SYNE2: variants seen among roughly 807,000 people sequenced by gnomAD.
The protein encoded by SYNE2 is nesprin-2.
Under a neutral mutation model 856.3 loss-of-function variants are expected in SYNE2, and 431 were observed. The ratio of observed to expected loss-of-function variants is 0.50; its 90% CI spans 0.47 to 0.55. The LOEUF (loss-of-function observed/expected upper bound fraction) is 0.55. SYNE2 is among the 20% of genes least tolerant of loss of function. The pLI is 0.00. For synonymous variants in SYNE2, 2,923 were observed against 2,872.3 expected (o/e 1.02, Z -0.56); for missense variants, 8,129 against 8,023.2 (o/e 1.01, Z -0.50).
At chr14:64,121,088 G>A in intron 68 of SYNE2, 27 bp downstream of exon 68, 1 of 1,613,374 alleles carries the variant, frequency 6.2e-7, no homozygotes, top group Non-Finnish European at 8.5e-7. Context: ...ACAGTTGTAG[G>A]GACTAGAATA....
At chr14:64,095,737 T>G (rs2097671221) in intron 61 of SYNE2, among the ~76,000 whole-genome samples, 1 of 152,182 alleles carries the variant, frequency 6.6e-6, no homozygotes, top group Non-Finnish European at 1.5e-5. Context: ...TTTCCATTTT[T>G]TCACAAAGAA....
intron 7 of SYNE2, among the ~76,000 whole-genome samples, chr14:63,954,068 C>A (rs938264963): frequency 1.3e-5 from 2 of 152,148 alleles, no homozygotes; most frequent in African/African-American, 4.8e-5. Flanking sequence ...CATGTGCCAA[C>A]GTCCCCAGCC....
chr14:63,814,043 G>T (rs1256136028), intron 1 of SYNE2, among the ~76,000 whole-genome samples: 1 of 150,090 alleles, frequency 6.7e-6, no homozygotes, highest in Non-Finnish European at 1.5e-5. Flanking sequence ...GGGCAACACA[G>T]CGAGACTCTG....
At chr14:63,974,661 C>T (rs1043345058) in intron 11 of SYNE2, among the ~76,000 whole-genome samples, 21 of 144,736 alleles carry the variant, frequency 1.5e-4, no homozygotes, top group African/African-American at 5.1e-4. Context: ...TGGGTTCCAG[C>T]GATTCTCCTA....
At chr14:63,878,617 A>G (rs1054130861) in intron 1 of SYNE2, among the ~76,000 whole-genome samples, 1 of 151,942 alleles carries the variant, frequency 6.6e-6, no homozygotes, top group African/African-American at 2.4e-5. Flanking sequence ...ATCTCAACTC[A>G]CTGCAGCTTT....
intron 66 of SYNE2, among the ~76,000 whole-genome samples, chr14:64,116,232 G>A (rs1171426595): frequency 2.0e-5 from 3 of 151,910 alleles, no homozygotes; most frequent in Non-Finnish European, 4.4e-5. Flanking sequence ...GCTTAGTAAT[G>A]TAATATTTGA....
At chr14:64,129,179 C>T (rs548567992) in intron 74 of SYNE2, among the ~76,000 whole-genome samples, 74 of 152,246 alleles carry the variant, frequency 4.9e-4, no homozygotes, top group African/African-American at 1.7e-3. Context: ...CAGTGGCACA[C>T]GGCTGTAGTC....
At position 64,009,312 on chromosome 14, in the gene SYNE2, G is replaced by T. The variant is rs1336757600; in HGVS notation, c.4578-654G>T. On this transcript the variant is annotated intron_variant, in intron 31 of 115. Coordinates refer to ENST00000555002, the MANE Select transcript of SYNE2 (RefSeq NM_182914.3). ...GCACTTTGGGAGGCCAAGGCAGGTGGATCACCTGAGGTCAGGAGTTCACGA... is the reference window on the plus strand; with the variant it reads ...GCACTTTGGGAGGCCAAGGCAGGTGTATCACCTGAGGTCAGGAGTTCACGA... Among the ~76,000 whole-genome samples the T allele has an allele frequency of 2.0e-5, 3 of 152,176 alleles. No homozygotes were observed. In the South Asian group the frequency reaches 6.2e-4, roughly 32 times the overall value.
intron 69 of SYNE2, 24 bp downstream of exon 69, chr14:64,122,157 G>A (rs751886009): frequency 6.4e-5 from 104 of 1,613,940 alleles, no homozygotes; most frequent in Middle Eastern, 4.9e-4. Flanking sequence ...AAATAGAGTT[G>A]GTCATTCAGT....
intron 7 of SYNE2, among the ~76,000 whole-genome samples, chr14:63,953,224 C>T (rs775726653): frequency 2.6e-5 from 4 of 152,262 alleles, no homozygotes; most frequent in Non-Finnish European, 5.9e-5. Context: ...AGGTTGAGGG[C>T]AGGGAGAGTG....
chr14:64,162,122 G>A lies in SYNE2; in HGVS notation c.16145G>A (p.Ser5382Asn), dbSNP rs1224435089. The change falls in exon 88 of 116, where the codon AGT becomes AAT. Residue 5382 changes from serine to asparagine, a missense_variant. Around this residue, in one of 3 missense-constraint regions of SYNE2, gnomAD observed 5,410 missense variants for 5,284.8 expected, o/e 1.02. Coordinates refer to ENST00000555002, the MANE Select transcript of SYNE2 (RefSeq NM_182914.3). ...AIADQLQKAQ[S>N]LLQLWKAYSN... is the part of the protein sequence containing the mutation. ...GCAGACCAGTTGCAGAAGGCCCAGA[G>A]TCTGCTCCAGCTCTGGAAGGCCTAT... 2.5e-6 allele frequency: 4 copies of A among 1,614,202 alleles called. No homozygotes were observed. The highest frequency in any genetic ancestry group is 1.7e-5 in the Admixed American group (1 of 60,022).
intron 89 of SYNE2, 39 bp from the exon 90 acceptor site, chr14:64,165,246 C>A (rs1319178854): frequency 7.5e-6 from 12 of 1,602,952 alleles, no homozygotes; most frequent in Non-Finnish European, 1.0e-5. Context: ...TTTATATGTA[C>A]ATGAAAATAG....
chr14:64,136,956 A>G (rs1266762713), intron 78 of SYNE2, among the ~76,000 whole-genome samples: 1 of 152,226 alleles, frequency 6.6e-6, no homozygotes, highest in African/African-American at 2.4e-5. Context: ...TAGAGCCAGC[A>G]GCTGCTGCTC....
chr14:64,106,276 G>C (rs576011261), intron 64 of SYNE2, among the ~76,000 whole-genome samples: 8 of 152,024 alleles, frequency 5.3e-5, no homozygotes, highest in African/African-American at 1.4e-4. Flanking sequence ...CTTCTTTTGC[G>C]ACTTGCTTGT....
intron 1 of SYNE2, among the ~76,000 whole-genome samples, chr14:63,800,412 A>C (rs777216005): frequency 6.6e-6 from 1 of 151,956 alleles, no homozygotes; most frequent in African/African-American, 2.4e-5. Flanking sequence ...CCTCCCAAAG[A>C]GCTGGGATCT....
Position 63,903,135 on chromosome 14 carries a change from C to G in SYNE2, c.-51-5963C>G, listed in dbSNP as rs117851837. On this transcript the variant is annotated intron_variant, in intron 1 of 115. Coordinates refer to ENST00000555002, the MANE Select transcript of SYNE2 (RefSeq NM_182914.3). ...CTCCCTAGAAATGTCAGCAGTTTCT[C>G]ACCAAAAACAATTGTGTTGGAAATG... Among the ~76,000 whole-genome samples the G allele has an allele frequency of 9.2e-4, 140 of 152,266 alleles. No individual in the cohort carries two copies. The East Asian group carries it at 0.026, about 28-fold the overall frequency.
chr14:64,129,659 G>C (rs536881995), intron 74 of SYNE2, 123 bp from the exon 75 acceptor site: 2 of 1,391,584 alleles, frequency 1.4e-6, no homozygotes, highest in Admixed American at 4.0e-5. Context: ...GTGAGGGAGC[G>C]GGAGCTGGGA....
chr14:63,825,767 C>T (rs1037113793), intron 1 of SYNE2, among the ~76,000 whole-genome samples: 3 of 151,916 alleles, frequency 2.0e-5, no homozygotes, highest in African/African-American at 4.8e-5. Context: ...CCCAGCTACT[C>T]GGGAGCCTGA....
intron 110 of SYNE2, 59 bp downstream of exon 110, chr14:64,219,469 A>C (rs905758309): frequency 1.9e-6 from 3 of 1,551,772 alleles, no homozygotes; most frequent in Non-Finnish European, 2.7e-6. Context: ...ACGCATTGCT[A>C]TGCTGGACGA....
Sources: gnomAD v4.1 joint callset for allele counts (sites outside exome capture counted in the v4.1 genomes callset) on GRCh38, gnomAD v4.1.1 for gene constraint, gnomAD v4.1.1 regional missense constraint, MANE v1.5 for transcripts, NCBI Gene and HGNC (gene_info 2026-07-23, HGNC 2026-07-21) for gene names.